Variants in SSH2 observed in about 807,000 individuals in gnomAD.
SSH2 encodes the protein slingshot protein phosphatase 2, also known as protein phosphatase Slingshot homolog 2.
SSH2 carries 37 observed loss-of-function variants against 135.2 expected under a neutral mutation model. The ratio of observed to expected loss-of-function variants is 0.27; its 90% CI spans 0.21 to 0.36. The LOEUF is 0.36. Among genes scored for constraint, SSH2 ranks in the 10% least tolerant of loss-of-function variants. The pLI is 1.00. For synonymous variants in SSH2, 628 were observed against 646.2 expected (o/e 0.97, Z 0.43); for missense variants, 1,408 against 1,765.3 (o/e 0.80, Z 3.63).
chr17:29,890,671 T>C (rs1222703729), intron 1 of SSH2, among the ~76,000 whole-genome samples: 1 of 152,172 alleles, frequency 6.6e-6, no homozygotes, highest in Admixed American at 6.6e-5. Context: ...GGTTTCTTTC[T>C]GAGGTGATGA....
chr17:29,630,847 G>T lies in SSH2; in HGVS notation c.4347C>A (p.Thr1449=). The T allele has an allele frequency of 6.5e-7, 1 of 1,534,554 alleles. No individual in the cohort carries two copies. The highest frequency in any genetic ancestry group is 8.8e-7 in the Non-Finnish European group (1 of 1,138,336). Residue 1449 remains threonine, a synonymous_variant, in exon 16 of 16, where the codon ACC becomes ACA. Transcript: ENST00000540801. The part of the protein sequence containing the change: ...KKRTTNPFYN[T]M ...CACATGTGTAGGCTCAGAATCACAT[G>T]GTATTATAGAAGGGGTTGGTTGTCC...
chr17:29,710,159 C>T (rs570921484), intron 3 of SSH2, among the ~76,000 whole-genome samples: 1 of 152,314 alleles, frequency 6.6e-6, no homozygotes, highest in Non-Finnish European at 1.5e-5. Flanking sequence ...CATACCTGGC[C>T]TAACTGCTGA....
intron 3 of SSH2, among the ~76,000 whole-genome samples, chr17:29,738,006 C>T (rs2040428001): frequency 6.6e-6 from 1 of 152,054 alleles, no homozygotes; most frequent in African/African-American, 2.4e-5. Flanking sequence ...TATACATGTG[C>T]CATGTTGGTG....
At chr17:29,648,510 G>T (rs1380061963) in intron 13 of SSH2, among the ~76,000 whole-genome samples, 166 bp from the exon 14 acceptor site, 1 of 152,150 alleles carries the variant, frequency 6.6e-6, no homozygotes, top group Non-Finnish European at 1.5e-5. Flanking sequence ...CAAATGTGTG[G>T]GTAGGGTAGA....
intron 15 of SSH2, among the ~76,000 whole-genome samples, chr17:29,635,324 CAG>C (rs912335138): frequency 6.6e-6 from 1 of 152,208 alleles, no homozygotes; most frequent in Admixed American, 6.5e-5. Flanking sequence ...TCTATCTTCT[CAG>C]AGACACAGCT....
At chr17:29,674,182 A>G in intron 8 of SSH2, 2 of 456,412 alleles carry the variant, frequency 4.4e-6, no homozygotes, top group Non-Finnish European at 4.4e-6. Flanking sequence ...AATTAAGAAA[A>G]CAAATTTAAA....
At chr17:29,779,714 G>T (rs2041795027) in intron 3 of SSH2, among the ~76,000 whole-genome samples, 1 of 148,982 alleles carries the variant, frequency 6.7e-6, no homozygotes, top group Admixed American at 6.7e-5. Context: ...GCTACTTGGG[G>T]GGCTGAGGCA....
intron 1 of SSH2, among the ~76,000 whole-genome samples, chr17:29,926,961 T>G (rs1012487646): frequency 6.6e-6 from 1 of 152,208 alleles, no homozygotes; most frequent in Non-Finnish European, 1.5e-5. Context: ...TAGACACATC[T>G]GGGTTTGAAT....
At chr17:29,666,721 A>C in intron 11 of SSH2, 146 bp downstream of exon 11, 2 of 704,328 alleles carry the variant, frequency 2.8e-6, no homozygotes, top group South Asian at 2.1e-5. Context: ...AATAATTAGG[A>C]AGTGATGAGG....
intron 11 of SSH2, among the ~76,000 whole-genome samples, chr17:29,663,783 T>C (rs1264143710): frequency 6.6e-6 from 1 of 152,228 alleles, no homozygotes; most frequent in Non-Finnish European, 1.5e-5. Flanking sequence ...TCCAAATCCA[T>C]ATAACGTACA....
intron 3 of SSH2, among the ~76,000 whole-genome samples, chr17:29,708,578 G>T: frequency 1.5e-5 from 2 of 131,890 alleles, no homozygotes; most frequent in South Asian, 2.6e-4. Flanking sequence ...CGACAGAGGG[G>T]AACTCTGCTT....
intron 2 of SSH2, among the ~76,000 whole-genome samples, chr17:29,841,537 A>G (rs1035833253): frequency 1.3e-5 from 2 of 152,212 alleles, no homozygotes; most frequent in African/African-American, 4.8e-5. Flanking sequence ...GAATAGAAAG[A>G]ATGTAAGTTA....
intron 11 of SSH2, among the ~76,000 whole-genome samples, chr17:29,659,358 C>T (rs1030627626): frequency 6.6e-6 from 1 of 152,158 alleles, no homozygotes. Context: ...CACAGCCTCT[C>T]CAATAAACTG....
At chr17:29,679,080 C>T (rs118112112) in intron 6 of SSH2, among the ~76,000 whole-genome samples, 183 of 152,284 alleles carry the variant, frequency 1.2e-3, no homozygotes, top group Non-Finnish European at 2.2e-3. Context: ...GAGGTTCGTA[C>T]AGAAAGCCAT....
intron 1 of SSH2, among the ~76,000 whole-genome samples, chr17:29,869,005 G>T (rs2065900147): frequency 6.6e-6 from 1 of 152,182 alleles, no homozygotes; most frequent in Non-Finnish European, 1.5e-5. Flanking sequence ...TGTTTCAAAA[G>T]ATTCTAGCCA....
chr17:29,832,197 G>A (rs1051338238), intron 2 of SSH2, among the ~76,000 whole-genome samples: 2 of 152,162 alleles, frequency 1.3e-5, no homozygotes, highest in Non-Finnish European at 2.9e-5. Flanking sequence ...AGGTGAGGGT[G>A]CAGTGGTGCT....
chr17:29,829,837 A>AT (rs35027288), intron 2 of SSH2, among the ~76,000 whole-genome samples: 3,210 of 130,440 alleles, frequency 0.025, 53 homozygotes, highest in African/African-American at 0.036. Flanking sequence ...AAAGATCAAG[A>AT]TTTTTTTTTT....
At chr17:29,913,865 C>A (rs2066833010) in intron 1 of SSH2, among the ~76,000 whole-genome samples, 1 of 151,914 alleles carries the variant, frequency 6.6e-6, no homozygotes, top group Non-Finnish European at 1.5e-5. Context: ...AACTCCCGAC[C>A]TCAGGTGATC....
intron 1 of SSH2, among the ~76,000 whole-genome samples, chr17:29,876,912 A>G (rs975358991): frequency 7.9e-5 from 12 of 152,072 alleles, no homozygotes; most frequent in Admixed American, 7.2e-4. Flanking sequence ...AAAGAAAACA[A>G]TCAACAAAGT....
Sources: allele counts gnomAD v4.1 joint callset (sites outside exome capture counted in the v4.1 genomes callset), GRCh38; gene constraint gnomAD v4.1.1; transcripts MANE v1.5; gene names NCBI Gene and HGNC (gene_info 2026-07-23, HGNC 2026-07-21).